The following UBE2G1 variants were observed in gnomAD, a reference collection of about 807,000 sequenced individuals.
The protein encoded by UBE2G1 is ubiquitin conjugating enzyme E2 G1, also known as ubiquitin-conjugating enzyme E2 G1.
A neutral mutation model predicts 22.7 loss-of-function variants in UBE2G1; 5 were observed. The ratio of observed to expected loss-of-function variants is 0.22; its 90% confidence interval spans 0.12 to 0.46. UBE2G1 has a LOEUF of 0.46. Ranked by LOEUF, UBE2G1 falls within the 20% of genes least tolerant of loss-of-function variation. The pLI is 0.99. For missense variants in UBE2G1, 88 were observed against 203.9 expected (o/e 0.43, Z 3.46); for synonymous variants, 74 against 67.5 (o/e 1.10, Z -0.47).
chr17:4,325,349 C>T (rs780274794), intron 1 of UBE2G1, among the ~76,000 whole-genome samples: 3 of 152,058 alleles, frequency 2.0e-5, no homozygotes, highest in Non-Finnish European at 4.4e-5. Flanking sequence ...AAACTTCAAC[C>T]AACTATTTCT....
At chr17:4,291,882 T>G (rs988620159) in intron 3 of UBE2G1, among the ~76,000 whole-genome samples, 3 of 152,194 alleles carry the variant, frequency 2.0e-5, no homozygotes, top group African/African-American at 7.2e-5. Context: ...CTTCCTCTTT[T>G]GTGAAATGTC....
intron 1 of UBE2G1, among the ~76,000 whole-genome samples, chr17:4,321,978 G>A (rs1383241664): frequency 2.6e-5 from 4 of 152,130 alleles, no homozygotes; most frequent in Non-Finnish European, 5.9e-5. Flanking sequence ...ACTAAGTGTG[G>A]TATGAAACTC....
intron 1 of UBE2G1, among the ~76,000 whole-genome samples, chr17:4,315,499 C>G (rs752884692): frequency 8.6e-5 from 13 of 151,738 alleles, no homozygotes; most frequent in Non-Finnish European, 1.5e-4. Flanking sequence ...CCAGCACTTT[C>G]GGAGGCTGAG....
chr17:4,316,278 T>A (rs1350489138), intron 1 of UBE2G1, among the ~76,000 whole-genome samples: 1 of 152,160 alleles, frequency 6.6e-6, no homozygotes, highest in Non-Finnish European at 1.5e-5. Context: ...AAGGTATATG[T>A]CTGTAAAGTA....
At chr17:4,284,627 G>A (rs1968936440) in intron 4 of UBE2G1, among the ~76,000 whole-genome samples, 1 of 150,982 alleles carries the variant, frequency 6.6e-6, no homozygotes, top group South Asian at 2.1e-4. Flanking sequence ...ATAAATAAAA[G>A]AACTGCTAGT....
chr17:4,330,203 T>C (rs1039823277), intron 1 of UBE2G1, among the ~76,000 whole-genome samples: 2 of 151,994 alleles, frequency 1.3e-5, no homozygotes, highest in Admixed American at 6.6e-5. Flanking sequence ...ACAGGAGACA[T>C]GGGGACAGCA....
At chr17:4,306,225 G>A (rs535433204) in intron 2 of UBE2G1, among the ~76,000 whole-genome samples, 40 of 152,278 alleles carry the variant, frequency 2.6e-4, no homozygotes, top group African/African-American at 9.4e-4. Flanking sequence ...AAACACTGAT[G>A]TGTGTAATAC....
chr17:4,331,447 ATGGGGAAAT>A (rs1057423077), intron 1 of UBE2G1, among the ~76,000 whole-genome samples: 7 of 152,324 alleles, frequency 4.6e-5, no homozygotes, highest in African/African-American at 1.7e-4. Context: ...ATTTCAGGAC[ATGGGGAAAT>A]ATTTACAATT....
intron 3 of UBE2G1, among the ~76,000 whole-genome samples, chr17:4,294,144 C>T (rs1034077054): frequency 6.6e-6 from 1 of 152,132 alleles, no homozygotes; most frequent in African/African-American, 2.4e-5. Context: ...AGACCAGGCG[C>T]GTGGCTCACG....
At chr17:4,343,328 A>G (rs1360935793) in intron 1 of UBE2G1, among the ~76,000 whole-genome samples, 1 of 152,030 alleles carries the variant, frequency 6.6e-6, no homozygotes, top group Non-Finnish European at 1.5e-5. Context: ...GCGGTAGCTC[A>G]CGCCTGTAAT....
At chr17:4,307,671 G>A (rs1221949678) in intron 1 of UBE2G1, among the ~76,000 whole-genome samples, 6 of 152,206 alleles carry the variant, frequency 3.9e-5, no homozygotes, top group Admixed American at 3.3e-4. Context: ...AGCACAAGGA[G>A]AGCAGGGGCC....
In UBE2G1 at chr17:4,289,269, T is replaced by C. The variant is rs1245781640; in HGVS notation, c.387A>G (p.Ala129=). The C allele has an allele frequency of 6.3e-7, 1 of 1,597,302 alleles. No homozygotes were observed. The highest frequency in any genetic ancestry group is 8.5e-7 in the Non-Finnish European group (1 of 1,172,154). The change falls in exon 4 of 6, where the codon GCA becomes GCG. Residue 129 remains alanine (A), a synonymous_variant. Coordinates refer to ENST00000396981, the MANE Select transcript of UBE2G1 (RefSeq NM_003342.5). ...TAGCAGGTGAGTCTCCATTAGGGTC[T>C]GCCAGCATAGAAATGACACTAATCA... ...TIMISVISML[A]DPNGDSPANV... is the part of the protein sequence containing the mutation.
At chr17:4,293,567 A>C (rs1969069593) in intron 3 of UBE2G1, among the ~76,000 whole-genome samples, 1 of 152,158 alleles carries the variant, frequency 6.6e-6, no homozygotes, top group Non-Finnish European at 1.5e-5. Flanking sequence ...TCCTATGGTA[A>C]CTATGCTTAA....
intron 1 of UBE2G1, among the ~76,000 whole-genome samples, chr17:4,348,480 G>A (rs966241620): frequency 2.7e-5 from 4 of 149,876 alleles, no homozygotes; most frequent in Non-Finnish European, 4.5e-5. Flanking sequence ...GTGAATCCGG[G>A]AGGCAGAGCT....
intron 4 of UBE2G1, among the ~76,000 whole-genome samples, chr17:4,284,829 CTTTTCTTTCTTT>C (rs1968940799): frequency 0.022 from 1,480 of 67,346 alleles, 17 homozygotes; most frequent in African/African-American, 0.062. Flanking sequence ...CTTTTCTTTT[CTTTTCTTTCTTT>C]TTTTTTTTTT....
intron 4 of UBE2G1, 69 bp downstream of exon 4, chr17:4,289,161 A>T: frequency 1.4e-6 from 2 of 1,384,128 alleles, no homozygotes; most frequent in Non-Finnish European, 1.9e-6. Flanking sequence ...ACTTACATAC[A>T]TACTAACTAT....
intron 5 of UBE2G1, among the ~76,000 whole-genome samples, chr17:4,279,077 C>A (rs562061366): frequency 6.6e-6 from 1 of 152,182 alleles, no homozygotes; most frequent in Admixed American, 6.5e-5. Flanking sequence ...GAGTTCGAGG[C>A]CAGCCTGACC....
chr17:4,309,406 C>G (rs1969282819), intron 1 of UBE2G1, among the ~76,000 whole-genome samples: 1 of 152,138 alleles, frequency 6.6e-6, no homozygotes, highest in South Asian at 2.1e-4. Flanking sequence ...TTTCAAAACA[C>G]AAGAAATGTA....
chr17:4,307,233 A>G, intron 1 of UBE2G1, 110 bp from the exon 2 acceptor site: 1 of 918,484 alleles, frequency 1.1e-6, no homozygotes. Context: ...AAACCATTAA[A>G]TAGATATACC....
Sources: allele counts gnomAD v4.1 joint callset (sites outside exome capture counted in the v4.1 genomes callset), GRCh38; gene constraint gnomAD v4.1.1; transcripts MANE v1.5; gene names NCBI Gene and HGNC (gene_info 2026-07-23, HGNC 2026-07-21).